Variants in ZFPM2 observed in about 807,000 individuals in gnomAD.
ZFPM2 encodes the protein zinc finger protein, FOG family member 2.
In ZFPM2, 20 loss-of-function variants were observed where a neutral mutation model predicts 98.6. The observed-to-expected ratio is 0.20, with a 90% CI of 0.14 to 0.29. ZFPM2 has a LOEUF of 0.29. Ranked by LOEUF, ZFPM2 falls within the 10% of genes least tolerant of loss-of-function variation. The pLI is 1.00. For synonymous variants in ZFPM2, 518 were observed against 502.7 expected (o/e 1.03, Z -0.41); for missense variants, 1,310 against 1,388.6 (o/e 0.94, Z 0.90).
chr8:105,437,532 A>G (rs1252460060), intron 2 of ZFPM2, among the ~76,000 whole-genome samples: 1 of 152,110 alleles, frequency 6.6e-6, no homozygotes, highest in Non-Finnish European at 1.5e-5. Context: ...ATCAGGGGTA[A>G]ATTTGGCATA....
At chr8:105,449,532 CA>C (rs1248601927) in intron 3 of ZFPM2, among the ~76,000 whole-genome samples, 2 of 151,920 alleles carry the variant, frequency 1.3e-5, no homozygotes, top group African/African-American at 2.4e-5. Flanking sequence ...AATTAGTAAT[CA>C]TTTTTTGTAT....
At chr8:105,425,853 T>A (rs1260479154) in intron 2 of ZFPM2, among the ~76,000 whole-genome samples, 4 of 152,250 alleles carry the variant, frequency 2.6e-5, no homozygotes, top group African/African-American at 4.8e-5. Context: ...ATGCTTTTTT[T>A]AACTGTATCT....
intron 1 of ZFPM2, among the ~76,000 whole-genome samples, chr8:105,329,975 G>T (rs1691333953): frequency 6.6e-6 from 1 of 151,426 alleles, no homozygotes; most frequent in African/African-American, 2.4e-5. Context: ...TTGTTTTTTT[G>T]CTATGATAGA....
At chr8:105,429,701 CAA>C (rs376633755) in intron 2 of ZFPM2, among the ~76,000 whole-genome samples, 10 of 128,380 alleles carry the variant, frequency 7.8e-5, no homozygotes, top group African/African-American at 8.4e-5. Flanking sequence ...AAAGTGATAC[CAA>C]AAAAAAAAAA....
chr8:105,363,835 A>G lies in ZFPM2; in HGVS notation c.40+44854A>G, dbSNP rs1810453093. On this transcript the variant is annotated intron_variant, in intron 1 of 7. Transcript: ENST00000407775. Reference sequence around the variant, plus strand: ...TGTGTAAGCCATGAGATCTGAGCATATAGGAAGAAAGATCTATTGTTTAAA... The same window carrying G: ...TGTGTAAGCCATGAGATCTGAGCATGTAGGAAGAAAGATCTATTGTTTAAA... Among the ~76,000 whole-genome samples the G allele has an allele frequency of 2.6e-5, 4 of 152,172 alleles. No individual in the cohort carries two copies. In the South Asian group the frequency reaches 8.3e-4, roughly 31 times the overall value.
At chr8:105,672,995 T>A (rs2130907341) in intron 5 of ZFPM2, among the ~76,000 whole-genome samples, 1 of 152,256 alleles carries the variant, frequency 6.6e-6, no homozygotes, top group South Asian at 2.1e-4. Context: ...GGGAAATTGC[T>A]GAAACGCTTT....
intron 1 of ZFPM2, among the ~76,000 whole-genome samples, chr8:105,323,623 C>A (rs1812067843): frequency 6.6e-6 from 1 of 151,624 alleles, no homozygotes. Flanking sequence ...TAGATTTTTT[C>A]TGGAAAAATC....
Position 105,788,657 on chromosome 8 carries a change from G to C in ZFPM2, c.533-61G>C, listed in dbSNP as rs1299216841. The C allele has an allele frequency of 3.3e-6, 5 of 1,527,178 alleles. No homozygotes were observed. The Admixed American group carries it at 6.7e-5, about 20-fold the overall frequency. The allele number at this position is 1,527,178 out of a possible 1,614,324, so 94.6% of individuals were successfully genotyped here. The stretch of plus-strand genomic sequence containing the variant: ...AGAAGGTGCTATGGACATCAATCTA[G>C]TTTACAACAGACTCAAGCATCCTAT... On this transcript the variant is annotated intron_variant, in intron 5 of 7. Coordinates refer to ENST00000407775, the MANE Select transcript of ZFPM2 (RefSeq NM_012082.4).
At chr8:105,690,229 A>G (rs1810845040) in intron 5 of ZFPM2, among the ~76,000 whole-genome samples, 3 of 152,226 alleles carry the variant, frequency 2.0e-5, no homozygotes, top group Admixed American at 2.0e-4. Flanking sequence ...TAAAAGCATA[A>G]TAAGACTAAT....
At chr8:105,759,488 T>C (rs1292280653) in intron 5 of ZFPM2, among the ~76,000 whole-genome samples, 1 of 152,166 alleles carries the variant, frequency 6.6e-6, no homozygotes, top group East Asian at 1.9e-4. Context: ...CCAATTATTG[T>C]TGGCATAATG....
chr8:105,600,312 T>C (rs77721644), intron 4 of ZFPM2, among the ~76,000 whole-genome samples: 6 of 152,264 alleles, frequency 3.9e-5, no homozygotes, highest in African/African-American at 1.4e-4. Flanking sequence ...GAATAAAATA[T>C]ACTCTGAAAT....
chr8:105,620,282 G>C (rs1465764141), intron 4 of ZFPM2, among the ~76,000 whole-genome samples: 2 of 152,166 alleles, frequency 1.3e-5, no homozygotes, highest in Non-Finnish European at 2.9e-5. Context: ...CTGATGGCCA[G>C]TGATGATGAG....
At chr8:105,496,737 C>T (rs1052929081) in intron 3 of ZFPM2, among the ~76,000 whole-genome samples, 5 of 147,064 alleles carry the variant, frequency 3.4e-5, no homozygotes, top group African/African-American at 1.2e-4. Flanking sequence ...AATCCCAGCA[C>T]TTTGGGAGGC....
chr8:105,536,216 G>A (rs1814447216), intron 3 of ZFPM2, among the ~76,000 whole-genome samples: 1 of 152,004 alleles, frequency 6.6e-6, no homozygotes, highest in Non-Finnish European at 1.5e-5. Flanking sequence ...TGGGAATATT[G>A]CTATTTTAAT....
At chr8:105,657,821 A>C (rs1218516278) in intron 5 of ZFPM2, among the ~76,000 whole-genome samples, 1 of 152,264 alleles carries the variant, frequency 6.6e-6, no homozygotes, top group Non-Finnish European at 1.5e-5. Flanking sequence ...GCCTACAAAT[A>C]AAATGATGTT....
At chr8:105,660,593 G>C (rs1234896720) in intron 5 of ZFPM2, among the ~76,000 whole-genome samples, 6 of 152,172 alleles carry the variant, frequency 3.9e-5, no homozygotes, top group African/African-American at 1.2e-4. Context: ...GTGCGTATAT[G>C]AATATCTATA....
At chr8:105,759,127 C>G (rs1416287564) in intron 5 of ZFPM2, among the ~76,000 whole-genome samples, 2 of 152,078 alleles carry the variant, frequency 1.3e-5, no homozygotes, top group Non-Finnish European at 2.9e-5. Context: ...AAAACCTCAC[C>G]TGGACTTGCC....
chr8:105,352,530 T>G (rs928066000), intron 1 of ZFPM2, among the ~76,000 whole-genome samples: 3 of 151,996 alleles, frequency 2.0e-5, no homozygotes, highest in African/African-American at 7.2e-5. Flanking sequence ...CTTTTTTACA[T>G]TGTTTTTTCA....
At chr8:105,678,058 T>C (rs1563517550) in intron 5 of ZFPM2, among the ~76,000 whole-genome samples, 2 of 152,214 alleles carry the variant, frequency 1.3e-5, no homozygotes, top group Middle Eastern at 3.2e-3. Context: ...TACCATTGAC[T>C]GTTTTATTAG....
Sources: allele counts gnomAD v4.1 joint callset (sites outside exome capture counted in the v4.1 genomes callset), GRCh38; gene constraint gnomAD v4.1.1; transcripts MANE v1.5; gene names NCBI Gene and HGNC (gene_info 2026-07-23, HGNC 2026-07-21).